The following KCNQ1 variants were observed in gnomAD, a reference collection of about 807,000 sequenced individuals.
KCNQ1 encodes the protein potassium voltage-gated channel subfamily Q member 1.
KCNQ1 carries 49 observed loss-of-function variants against 72.4 expected under a neutral mutation model. The observed-to-expected ratio is 0.68, with a 90% CI of 0.54 to 0.86. The LOEUF is 0.86. Ranked by LOEUF, KCNQ1 falls within the 40% of genes least tolerant of loss-of-function variation. The pLI, the probability that KCNQ1 is intolerant of heterozygous loss-of-function variation, is 0.00. For missense variants in KCNQ1, 790 were observed against 945.1 expected (o/e 0.84, Z 2.15); for synonymous variants, 450 against 412.6 (o/e 1.09, Z -1.10).
At chr11:2,636,273 G>A (rs1407606196) in intron 10 of KCNQ1, 1 of 152,130 alleles carries the variant, frequency 6.6e-6, no homozygotes, top group Non-Finnish European at 1.5e-5. Flanking sequence ...AGTTTTCAAA[G>A]GGAATGCTTC....
rs970828886 is a variant in KCNQ1, at chr11:2,509,817, C to G, written c.387-18111C>G. 1.3e-5 allele frequency among the ~76,000 whole-genome samples: 2 copies of G among 152,136 alleles called. No homozygotes were observed. The highest frequency in any genetic ancestry group is 4.8e-5 in the African/African-American group (2 of 41,412). On this transcript the variant is annotated intron_variant, in intron 1 of 15. Transcript: ENST00000155840. This position sits in a 1 kb window ranked among gnomAD's most constrained non-coding sequence, Gnocchi z 6.3. ...AGCCAAGTGGACTGGGAGGTGTGGA[C>G]AGGGAACCCTGGCGGGGCCGGCCAA...
At chr11:2,643,212 T>G in intron 10 of KCNQ1, 1 of 398,302 alleles carries the variant, frequency 2.5e-6, no homozygotes, top group Non-Finnish European at 4.4e-6. Flanking sequence ...CAATGTTTCT[T>G]TGTTAATTTT....
rs1306372525 is a variant in KCNQ1 at position 2,445,284 on chromosome 11, G to T, written c.186G>T (p.Ala62=). The T allele has an allele frequency of 1.5e-6, 2 of 1,315,172 alleles. No individual in the cohort carries two copies. Among genetic ancestry groups the T allele is most frequent in the Admixed American group, 3.8e-5 (1 of 26,182 alleles). 81.5% of individuals were successfully genotyped at this position (1,315,172 alleles called of 1,614,324 possible). Residue 62 remains alanine, a synonymous_variant, in exon 1 of 16, where the codon GCG becomes GCT. Transcript: ENST00000155840. The part of the protein sequence containing the change: ...APIAPGAPGP[A]PPASPAAPAA... ...TCGCGCCCGGCGCCCCAGGTCCCGCGCCCCCTGCGTCCCCGGCCGCGCCCG... is the reference window on the plus strand; with the variant it reads ...TCGCGCCCGGCGCCCCAGGTCCCGCTCCCCCTGCGTCCCCGGCCGCGCCCG...
Position 2,759,860 on chromosome 11 carries a change from C to G in KCNQ1, c.1515-8984C>G, listed in dbSNP as rs1026371179. On this transcript the variant is annotated intron_variant, in intron 11 of 15. Coordinates refer to ENST00000155840, the MANE Select transcript of KCNQ1 (RefSeq NM_000218.3). The surrounding 1 kb of genome is among the most constrained non-coding windows in gnomAD (Gnocchi z 4.4). ...TCTCCAGGCCCAGCCCCACCCTGAG[C>G]TGTACTGGACCCAAGCCCCAGGACC... Among the ~76,000 whole-genome samples, 1 of 152,102 alleles carries G rather than the reference C, an allele frequency of 6.6e-6. No homozygotes were observed. Among genetic ancestry groups the G allele is most frequent in the African/African-American group, 2.4e-5 (1 of 41,420 alleles).
In KCNQ1 at chr11:2,588,612, G is replaced by C. The variant is rs111629285; in HGVS notation, c.1252-101G>C. ...AGGTCCCTGTCCGGGTGTATGTGGC[G>C]GGGGCTGGGCTCGGGGCGGCTGCAC... On this transcript the variant is annotated intron_variant, in intron 9 of 15. Transcript: ENST00000155840. This position sits in a 1 kb window ranked among gnomAD's most constrained non-coding sequence, Gnocchi z 5.6. 4 of 1,438,656 alleles carry C rather than the reference G, an allele frequency of 2.8e-6. No homozygotes were observed. The African/African-American group carries it at 4.2e-5, about 15-fold the overall frequency. 89.1% of individuals were successfully genotyped at this position (1,438,656 alleles called of 1,614,324 possible). A position where few individuals can be genotyped will look rare whatever the true frequency, so the allele number is the denominator to read the frequency against.
chr11:2,847,364 A>G (rs75124335), intron 15 of KCNQ1, among the ~76,000 whole-genome samples: 3,342 of 152,312 alleles, frequency 0.022, 144 homozygotes, highest in African/African-American at 0.076. Flanking sequence ...GGCCTCAAGA[A>G]GCCAAAGGCT....
At position 2,687,996 on chromosome 11, in the gene KCNQ1, C is replaced by T. The variant is rs1850520453; in HGVS notation, c.1514+25915C>T. 4 of 398,612 alleles carry T rather than the reference C, an allele frequency of 1.0e-5. No individual in the cohort carries two copies. The highest frequency in any genetic ancestry group is 3.6e-5 in the East Asian group (1 of 28,080). 24.7% of individuals were successfully genotyped at this position (398,612 alleles called of 1,614,324 possible). On this transcript the variant is annotated intron_variant, in intron 11 of 15. Coordinates refer to ENST00000155840, the MANE Select transcript of KCNQ1 (RefSeq NM_000218.3). The surrounding 1 kb of genome is among the most constrained non-coding windows in gnomAD (Gnocchi z 5.0). ...TGCTTCCCTTTGATGTCTCCTCGTG[C>T]GAGGGAGGGGTCAGCACCCCTCTAG...
In KCNQ1 at chr11:2,660,467, A is replaced by G. The variant is rs188352654; in HGVS notation, c.1394-1494A>G. ...ATAAAAGCAACATAATTCAGGTGAAAAAACAGACTGGGGAAGCTATCTATG... is the reference window on the plus strand; with the variant it reads ...ATAAAAGCAACATAATTCAGGTGAAGAAACAGACTGGGGAAGCTATCTATG... On this transcript the variant is annotated intron_variant, in intron 10 of 15. Coordinates refer to ENST00000155840, the MANE Select transcript of KCNQ1 (RefSeq NM_000218.3). 16 of 398,658 alleles carry G rather than the reference A, an allele frequency of 4.0e-5. No individual in the cohort carries two copies. The East Asian group carries it at 5.3e-4, about 13-fold the overall frequency. The allele number at this position is 398,658 out of a possible 1,614,324, so 24.7% of individuals were successfully genotyped here. A position where few individuals can be genotyped will look rare whatever the true frequency, so the allele number is the denominator to read the frequency against.
Position 2,613,283 on chromosome 11 carries a change from C to G in KCNQ1, c.1393+24429C>G, listed in dbSNP as rs1427681131. 5.0e-6 allele frequency: 2 copies of G among 398,426 alleles called. No homozygotes were observed. Among genetic ancestry groups the G allele is most frequent in the Non-Finnish European group, 8.8e-6 (2 of 226,052 alleles). The allele number at this position is 398,426 out of a possible 1,614,324, so 24.7% of individuals were successfully genotyped here. A position where few individuals can be genotyped will look rare whatever the true frequency, so the allele number is the denominator to read the frequency against. On this transcript the variant is annotated intron_variant, in intron 10 of 15. Transcript: ENST00000155840. This position sits in a 1 kb window ranked among gnomAD's most constrained non-coding sequence, Gnocchi z 4.8. ...AAACCTCTCTGATCTCTCCTGCAAG[C>G]ATGTACAACTTCCATATCTCCAGAA... is the stretch of plus-strand genomic sequence containing the variant.
rs1846854548 is a variant in KCNQ1 at position 2,783,244 on chromosome 11, G to A, written c.1794+5207G>A. ...TTTATCCTAGGAGTTCTGTAGCAATGTGGTTTTTGTCATTGTTATAATTGT... is the reference window on the plus strand; with the variant it reads ...TTTATCCTAGGAGTTCTGTAGCAATATGGTTTTTGTCATTGTTATAATTGT... On this transcript the variant is annotated intron_variant, in intron 15 of 15. Coordinates refer to ENST00000155840, the MANE Select transcript of KCNQ1 (RefSeq NM_000218.3). The surrounding 1 kb of genome is among the most constrained non-coding windows in gnomAD (Gnocchi z 5.2). Among the ~76,000 whole-genome samples the A allele has an allele frequency of 6.6e-6, 1 of 152,074 alleles. No homozygotes were observed. Among genetic ancestry groups the A allele is most frequent in the South Asian group, 2.1e-4 (1 of 4,820 alleles).
chr11:2,734,343 C>G lies in KCNQ1; in HGVS notation c.1515-34501C>G, dbSNP rs11023937. Among the ~76,000 whole-genome samples the G allele has an allele frequency of 0.3, 45,230 of 152,018 alleles. 6,988 individuals carry two copies. The highest frequency in any genetic ancestry group is 0.36 in the Middle Eastern group (105 of 294). Reference sequence around the variant, plus strand: ...ACTTTCCGTGAGGTGGCGGGGAGCACCAAGGGTAGAGGCAGGGGAGCAATG... The same window carrying G: ...ACTTTCCGTGAGGTGGCGGGGAGCAGCAAGGGTAGAGGCAGGGGAGCAATG... On this transcript the variant is annotated intron_variant, in intron 11 of 15. Coordinates refer to ENST00000155840, the MANE Select transcript of KCNQ1 (RefSeq NM_000218.3). This position sits in a 1 kb window ranked among gnomAD's most constrained non-coding sequence, Gnocchi z 7.0.
In KCNQ1 at chr11:2,515,585, G is replaced by C. The variant is rs771081035; in HGVS notation, c.387-12343G>C. The stretch of plus-strand genomic sequence containing the variant: ...GGCAGAGCCTCGCCATTTCTGGGGT[G>C]GGGGGTGCACAGGTGCATCTGGTCT... On this transcript the variant is annotated intron_variant, in intron 1 of 15. Transcript: ENST00000155840. This position sits in a 1 kb window ranked among gnomAD's most constrained non-coding sequence, Gnocchi z 4.7. 1.3e-5 allele frequency among the ~76,000 whole-genome samples: 2 copies of C among 152,112 alleles called. No individual in the cohort carries two copies. Among genetic ancestry groups the C allele is most frequent in the Admixed American group, 6.5e-5 (1 of 15,280 alleles).
At chr11:2,548,356 C>T (rs906946520) in intron 2 of KCNQ1, among the ~76,000 whole-genome samples, 7 of 152,352 alleles carry the variant, frequency 4.6e-5, no homozygotes, top group South Asian at 2.1e-4. Context: ...GAAGAAAATA[C>T]AGCAGAACAT....
Position 2,593,419 on chromosome 11 carries a change from G to A in KCNQ1, c.1393+4565G>A, listed in dbSNP as rs528605348. Among the ~76,000 whole-genome samples the A allele has an allele frequency of 4.6e-4, 70 of 152,270 alleles. No homozygotes were observed. The highest frequency in any genetic ancestry group is 1.6e-3 in the African/African-American group (68 of 41,542). On this transcript the variant is annotated intron_variant, in intron 10 of 15. Transcript: ENST00000155840. This position sits in a 1 kb window ranked among gnomAD's most constrained non-coding sequence, Gnocchi z 6.9. ...TCAGAGAACACTGGGCTGTAAGGTC[G>A]TGGTCTGTGACGTAGGATCGGGCAG...
At position 2,829,382 on chromosome 11, in the gene KCNQ1, C is replaced by T. The variant is rs79444906; in HGVS notation, c.1795-18385C>T. 5.5e-3 allele frequency among the ~76,000 whole-genome samples: 836 copies of T among 152,110 alleles called. 4 individuals are homozygous for T. The highest frequency in any genetic ancestry group is 9.5e-3 in the Non-Finnish European group (644 of 68,012). On this transcript the variant is annotated intron_variant, in intron 15 of 15. Transcript: ENST00000155840. ...GATGAAAGAAGTTTTACAATTCTTA[C>T]AGAAAGTTCAAGAATGAATTAGTGA...
In KCNQ1 at chr11:2,587,701, C is replaced by A. The variant is rs373467697; in HGVS notation, c.1251+9C>A. The A allele has an allele frequency of 2.1e-5, 34 of 1,613,576 alleles. 1 individual carries two copies. In the South Asian group the frequency reaches 2.5e-4, roughly 12 times the overall value. On this transcript the variant is annotated intron_variant, in intron 9 of 15. Transcript: ENST00000155840. The stretch of plus-strand genomic sequence containing the variant: ...CCAAGAAGTCTGTGGTGGTGAGTAG[C>A]CCACCTGCCACCAGGGCAGGGCCTT...
chr11:2,821,448 G>A (rs891636957), intron 15 of KCNQ1, among the ~76,000 whole-genome samples: 35 of 152,210 alleles, frequency 2.3e-4, no homozygotes, highest in African/African-American at 8.4e-4. Context: ...TGCTCTGGCT[G>A]AGGGAGTCTG....
intron 2 of KCNQ1, among the ~76,000 whole-genome samples, chr11:2,528,227 G>A (rs1023946704): frequency 1.3e-5 from 2 of 152,228 alleles, no homozygotes; most frequent in African/African-American, 4.8e-5. Flanking sequence ...GGGGACCAAG[G>A]ACTGAGGGGA....
chr11:2,474,293 C>T lies in KCNQ1; in HGVS notation c.386+28809C>T, dbSNP rs187981980. Among the ~76,000 whole-genome samples, 978 of 152,082 alleles carry T rather than the reference C, an allele frequency of 6.4e-3. 5 individuals carry two copies. The highest frequency in any genetic ancestry group is 9.0e-3 in the Non-Finnish European group (613 of 67,904). ...GCGCCCGGGCCACAGCTACTTTGTT[C>T]ACCTCCTAGGAGGGAAGAGGGCGAG... On this transcript the variant is annotated intron_variant, in intron 1 of 15. Transcript: ENST00000155840.
Sources: gnomAD v4.1 joint callset for allele counts (sites outside exome capture counted in the v4.1 genomes callset) on GRCh38, gnomAD v4.1.1 for gene constraint, Gnocchi (gnomAD v3.1) non-coding constraint, MANE v1.5 for transcripts, NCBI Gene and HGNC (gene_info 2026-07-23, HGNC 2026-07-21) for gene names.